Variants in DNAJC11 observed in about 807,000 individuals in gnomAD.
The protein encoded by DNAJC11 is DnaJ heat shock protein family (Hsp40) member C11, also known as dnaJ homolog subfamily C member 11.
Under a neutral mutation model 78.6 loss-of-function variants are expected in DNAJC11, and 15 were observed. The ratio of observed to expected loss-of-function variants is 0.19; its 90% CI spans 0.13 to 0.29. The LOEUF is 0.29. Ranked by LOEUF, DNAJC11 falls within the 10% of genes least tolerant of loss-of-function variation. The pLI, the probability that DNAJC11 is intolerant of heterozygous loss-of-function variation, is 1.00. For synonymous variants in DNAJC11, 292 were observed against 272.1 expected, an observed-to-expected ratio of 1.07 and a Z score of -0.72; for missense variants, 547 against 709.6, an observed-to-expected ratio of 0.77 and a Z score of 2.60.
chr1:6,682,194 TTC>T (rs1377155777), intron 1 of DNAJC11, among the ~76,000 whole-genome samples: 1 of 150,364 alleles, frequency 6.7e-6, no homozygotes. Flanking sequence ...GATGACTGTA[TTC>T]TCTGTTACTT....
intron 1 of DNAJC11, among the ~76,000 whole-genome samples, chr1:6,689,047 A>C (rs1318734801): frequency 6.6e-6 from 1 of 152,208 alleles, no homozygotes; most frequent in South Asian, 2.1e-4. Flanking sequence ...TAATTTATAC[A>C]GGGCTTTAAA....
chr1:6,646,183 C>T (rs961785868), intron 7 of DNAJC11, among the ~76,000 whole-genome samples: 4 of 152,100 alleles, frequency 2.6e-5, no homozygotes, highest in South Asian at 2.1e-4. Flanking sequence ...AGTAACCTCC[C>T]GACTCCCCTC....
chr1:6,653,078 A>ATTCCTC lies in DNAJC11; in HGVS notation c.508-128_508-127insGAGGAA. 1 of 1,092,658 alleles carries ATTCCTC rather than the reference A, an allele frequency of 9.2e-7. No homozygotes were observed. The highest frequency in any genetic ancestry group is 1.6e-5 in the African/African-American group (1 of 63,846). 67.7% of individuals were successfully genotyped at this position (1,092,658 alleles called of 1,614,324 possible). On this transcript the variant is annotated intron_variant, in intron 5 of 15. Coordinates refer to ENST00000377577, the MANE Select transcript of DNAJC11 (RefSeq NM_018198.4). This position sits in a 1 kb window ranked among gnomAD's most constrained non-coding sequence, Gnocchi z 4.5. ...ACGATTCCTCTGTTCAGAAGCACAC[A>ATTCCTC]TGGATGCAGAACTGCCGCAACAGCT...
chr1:6,636,493 C>T (rs1641771182), intron 14 of DNAJC11, among the ~76,000 whole-genome samples: 1 of 152,198 alleles, frequency 6.6e-6, no homozygotes, highest in Admixed American at 6.5e-5. Flanking sequence ...ACTCTCTGGC[C>T]TGAGCTAACC....
At position 6,653,786 on chromosome 1, in the gene DNAJC11, A is replaced by T. The variant is rs1198877155; in HGVS notation, c.507+125T>A. The T allele has an allele frequency of 3.8e-6, 5 of 1,299,136 alleles. No individual in the cohort carries two copies. Among genetic ancestry groups the T allele is most frequent in the Non-Finnish European group, 4.3e-6 (4 of 939,982 alleles). The allele number at this position is 1,299,136 out of a possible 1,614,324, so 80.5% of individuals were successfully genotyped here. On this transcript the variant is annotated intron_variant, in intron 5 of 15. Transcript: ENST00000377577. The surrounding 1 kb of genome is among the most constrained non-coding windows in gnomAD (Gnocchi z 4.5). ...AAGCGCTTTCTTTTTTAAGTGGCTA[A>T]TTGCATCCTTTCATAAATAAAGATG...
intron 1 of DNAJC11, among the ~76,000 whole-genome samples, chr1:6,686,059 T>C (rs1319439418): frequency 2.0e-5 from 3 of 152,248 alleles, no homozygotes; most frequent in Non-Finnish European, 2.9e-5. Flanking sequence ...AACGTTTTCC[T>C]TGTGCTTCTA....
intron 1 of DNAJC11, among the ~76,000 whole-genome samples, chr1:6,698,492 G>C (rs1199061438): frequency 1.3e-5 from 2 of 152,130 alleles, no homozygotes; most frequent in Admixed American, 6.5e-5. Flanking sequence ...CCACACCTGA[G>C]TATGACATTT....
chr1:6,670,201 G>A (rs1483631246), intron 3 of DNAJC11, among the ~76,000 whole-genome samples: 4 of 151,724 alleles, frequency 2.6e-5, no homozygotes, highest in African/African-American at 4.8e-5. Context: ...CTCGTGATCC[G>A]CCCGCCCAGA....
chr1:6,640,353 T>C (rs1641856741), intron 10 of DNAJC11, among the ~76,000 whole-genome samples: 1 of 152,128 alleles, frequency 6.6e-6, no homozygotes, highest in South Asian at 2.1e-4. Flanking sequence ...CATTCAGTCA[T>C]AGGCTGGAGA....
At position 6,645,724 on chromosome 1, in the gene DNAJC11, G is replaced by A; in HGVS notation, c.894+65C>T. 2 of 1,562,220 alleles carry A rather than the reference G, an allele frequency of 1.3e-6. No homozygotes were observed. The highest frequency in any genetic ancestry group is 8.8e-7 in the Non-Finnish European group (1 of 1,140,222). ...GGACGCAGGATTTAAGGGGAGCACT[G>A]AGTGCTTGGGAGGAGGGGTCCTCCC... On this transcript the variant is annotated intron_variant, in intron 8 of 15. Coordinates refer to ENST00000377577, the MANE Select transcript of DNAJC11 (RefSeq NM_018198.4). The surrounding 1 kb of genome is among the most constrained non-coding windows in gnomAD (Gnocchi z 4.1).
chr1:6,635,799 T>G, intron 15 of DNAJC11, 99 bp from the exon 16 acceptor site: 16 of 1,465,152 alleles, frequency 1.1e-5, no homozygotes, highest in Non-Finnish European at 1.3e-5. Context: ...AGCAGCTGGC[T>G]GGGCCCAGGC....
chr1:6,691,410 T>C (rs1289662143), intron 1 of DNAJC11, among the ~76,000 whole-genome samples: 1 of 152,158 alleles, frequency 6.6e-6, no homozygotes, highest in Non-Finnish European at 1.5e-5. Flanking sequence ...CCTGGTCATG[T>C]TCATATATAT....
At chr1:6,636,002 G>A in intron 15 of DNAJC11, 115 bp downstream of exon 15, 1 of 1,416,234 alleles carries the variant, frequency 7.1e-7, no homozygotes, top group South Asian at 1.4e-5. Context: ...TGGCGTCTCT[G>A]CTCCCAGGTG....
chr1:6,646,076 C>G lies in DNAJC11; in HGVS notation c.705-98G>C, dbSNP rs181539201. ...CTGGCTAAGACCTCACTTACTGTCACGTCTATGCATCCCTGGGCCAGCTCC... is the reference window on the plus strand; with the variant it reads ...CTGGCTAAGACCTCACTTACTGTCAGGTCTATGCATCCCTGGGCCAGCTCC... On this transcript the variant is annotated intron_variant, in intron 7 of 15. Transcript: ENST00000377577. 8.9e-6 allele frequency: 11 copies of G among 1,242,432 alleles called. No individual in the cohort carries two copies. In the East Asian group the frequency reaches 2.6e-4, roughly 30 times the overall value. 77.0% of individuals were successfully genotyped at this position (1,242,432 alleles called of 1,614,324 possible).
intron 12 of DNAJC11, 40 bp downstream of exon 12, chr1:6,638,253 TCC>T: frequency 6.3e-7 from 1 of 1,590,786 alleles, no homozygotes; most frequent in African/African-American, 1.3e-5. Context: ...GTGGAGTGTG[TCC>T]CCTACAGCCC....
chr1:6,689,354 A>G (rs1171123429), intron 1 of DNAJC11, among the ~76,000 whole-genome samples: 1 of 152,218 alleles, frequency 6.6e-6, no homozygotes, highest in African/African-American at 2.4e-5. Flanking sequence ...TGAGTATGAA[A>G]TGGAAAAGAA....
At chr1:6,701,645 G>A (rs904454951) in intron 1 of DNAJC11, 84 bp downstream of exon 1, 2 of 1,380,808 alleles carry the variant, frequency 1.4e-6, no homozygotes, top group Non-Finnish European at 1.9e-6. Context: ...CCCGTGGCGG[G>A]GGTGGGGCGG....
chr1:6,634,358 G>A lies in DNAJC11; in HGVS notation c.*1317C>T, dbSNP rs1641712650. Reference sequence around the variant, plus strand: ...GTCAGAGAAACCTTTTTAAAAAATGGAGATGAATGTTACAGAATTGGACAA... The same window carrying A: ...GTCAGAGAAACCTTTTTAAAAAATGAAGATGAATGTTACAGAATTGGACAA... On this transcript the variant is annotated 3_prime_UTR_variant, in exon 16 of 16. Transcript: ENST00000377577. 1 of 1,107,096 alleles carries A rather than the reference G, an allele frequency of 9.0e-7. No individual in the cohort carries two copies. Among genetic ancestry groups the A allele is most frequent in the East Asian group, 3.3e-5 (1 of 30,248 alleles). The allele number at this position is 1,107,096 out of a possible 1,614,324, so 68.6% of individuals were successfully genotyped here.
chr1:6,679,289 G>T (rs1285658312), intron 2 of DNAJC11, among the ~76,000 whole-genome samples: 1 of 152,080 alleles, frequency 6.6e-6, no homozygotes, highest in African/African-American at 2.4e-5. Flanking sequence ...CATTTCTTTT[G>T]TGCACTTCTC....
Sources: allele counts gnomAD v4.1 joint callset (sites outside exome capture counted in the v4.1 genomes callset), GRCh38; gene constraint gnomAD v4.1.1; non-coding constraint Gnocchi (gnomAD v3.1); transcripts MANE v1.5; gene names NCBI Gene and HGNC (gene_info 2026-07-23, HGNC 2026-07-21).